The following DMAC2L variants were observed in gnomAD, a reference collection of about 807,000 sequenced individuals.
DMAC2L encodes the protein distal membrane arm assembly component 2 like.
A neutral mutation model predicts 22.5 loss-of-function variants in DMAC2L; 21 were observed. The ratio of observed to expected loss-of-function variants is 0.93; its 90% CI spans 0.66 to 1.34. The LOEUF (loss-of-function observed/expected upper bound fraction) is 1.34, where lower values mean the gene tolerates loss of function less well. Ranked by LOEUF, DMAC2L falls within the 40% of genes most tolerant of loss-of-function variation. The pLI is 0.00. For missense variants in DMAC2L, 239 were observed against 246.5 expected, an observed-to-expected ratio of 0.97 and a Z score of 0.20; for synonymous variants, 86 against 89.5, an observed-to-expected ratio of 0.96 and a Z score of 0.22.
rs749690793 is a variant in DMAC2L, at chr14:50,322,715, C to T, written c.312C>T (p.His104=). 4.9e-5 allele frequency: 79 copies of T among 1,614,208 alleles called. No homozygotes were observed. The East Asian group carries it at 1.6e-3, about 34-fold the overall frequency. Residue 104 remains histidine, a synonymous_variant, in exon 4 of 6, where the codon CAC becomes CAT. Transcript: ENST00000557421. ...DSCIMSIGFD[H]MEGLEHVEKI... is the part of the protein sequence containing the mutation. ...GTATCATGAGCATTGGATTTGATCA[C>T]ATGGGTAACTACCCTATCGTTTTGC... is the stretch of plus-strand genomic sequence containing the variant.
chr14:50,312,117 A>G (rs1164311476), upstream of DMAC2L: 2 of 1,609,630 alleles, frequency 1.2e-6, no homozygotes, highest in Non-Finnish European at 1.7e-6. Flanking sequence ...GCCCGTCCGC[A>G]GGCACCAACC....
intron 1 of DMAC2L, chr14:50,312,977 G>C: frequency 6.2e-7 from 1 of 1,614,004 alleles, no homozygotes; most frequent in Admixed American, 1.7e-5. Flanking sequence ...CCATTTATAA[G>C]TCTGTGTCCT....
At chr14:50,314,548 T>C in intron 1 of DMAC2L, 43 bp from the exon 2 acceptor site, 1 of 456,094 alleles carries the variant, frequency 2.2e-6, no homozygotes, top group Non-Finnish European at 4.4e-6. Flanking sequence ...GCTGTGAACA[T>C]GAGTGTACAG....
chr14:50,316,702 A>G (rs11157735), intron 2 of DMAC2L, among the ~76,000 whole-genome samples: 85,080 of 151,958 alleles, frequency 0.56, 23,863 homozygotes, highest in East Asian at 0.62. Flanking sequence ...TCAGTTGGCT[A>G]TAAGTATTTG....
intron 2 of DMAC2L, chr14:50,319,334 A>G (rs1379022010): frequency 1.1e-5 from 17 of 1,535,876 alleles, no homozygotes; most frequent in African/African-American, 1.4e-5. Flanking sequence ...CACATCTCTC[A>G]CTGTTCCACG....
chr14:50,319,140 C>T, intron 2 of DMAC2L: 1 of 1,517,262 alleles, frequency 6.6e-7, no homozygotes, highest in Admixed American at 2.0e-5. Context: ...CTGGGAAAGC[C>T]CATATTTGTA....
intron 2 of DMAC2L, among the ~76,000 whole-genome samples, chr14:50,316,955 T>C (rs2031855175): frequency 6.6e-6 from 1 of 152,152 alleles, no homozygotes; most frequent in African/African-American, 2.4e-5. Flanking sequence ...ATGGGAATTG[T>C]ATTGATGGGA....
At chr14:50,313,029 T>G (rs772122956) in intron 1 of DMAC2L, 1 of 1,614,118 alleles carries the variant, frequency 6.2e-7, no homozygotes, top group South Asian at 1.1e-5. Context: ...AAATGTGCTG[T>G]GCGGTCTCTG....
intron 2 of DMAC2L, chr14:50,321,262 C>G: frequency 1.4e-6 from 1 of 690,164 alleles, no homozygotes; most frequent in Non-Finnish European, 2.0e-6. Flanking sequence ...ACGTTCTAGC[C>G]GGAAGGAGCC....
chr14:50,312,410 C>T (rs1371543722), intron 1 of DMAC2L, 21 bp downstream of exon 1: 2 of 563,718 alleles, frequency 3.5e-6, no homozygotes, highest in Non-Finnish European at 6.4e-6. Flanking sequence ...AAGCTAGGCC[C>T]CGAGCCGGGC....
upstream of DMAC2L, chr14:50,312,234 C>T: frequency 6.4e-7 from 1 of 1,556,940 alleles, no homozygotes. Flanking sequence ...TTTAGCCCCG[C>T]CCCTCACGCG....
Position 50,326,006 on chromosome 14 carries a change from G to A in DMAC2L, c.*283G>A, listed in dbSNP as rs2032681196. ...GCACTTTGGGAGGCCAAAGCGGGCA[G>A]ATCACCTGAGGTCAGGAGTTCAAGA... On this transcript the variant is annotated 3_prime_UTR_variant, in exon 6 of 6. Coordinates refer to ENST00000557421, the MANE Select transcript of DMAC2L (RefSeq NM_001382507.1). The A allele has an allele frequency of 1.1e-6, 1 of 872,300 alleles. No homozygotes were observed. 54.0% of individuals were successfully genotyped at this position (872,300 alleles called of 1,614,324 possible). A position where few individuals can be genotyped will look rare whatever the true frequency, so the allele number is the denominator to read the frequency against.
chr14:50,313,888 C>G (rs991774186), intron 1 of DMAC2L, among the ~76,000 whole-genome samples: 1 of 152,302 alleles, frequency 6.6e-6, no homozygotes, highest in South Asian at 2.1e-4. Context: ...CACAACTTAC[C>G]TTTGCAGCCC....
chr14:50,325,965 C>T lies in DMAC2L; in HGVS notation c.*242C>T, dbSNP rs2032678630. The stretch of plus-strand genomic sequence containing the variant: ...AAAAGTGCAGCCAGGCGCAGTGGCT[C>T]ATGCCTGTAATCCTAGCACTTTGGG... On this transcript the variant is annotated 3_prime_UTR_variant, in exon 6 of 6. Coordinates refer to ENST00000557421, the MANE Select transcript of DMAC2L (RefSeq NM_001382507.1). 2 of 1,121,456 alleles carry T rather than the reference C, an allele frequency of 1.8e-6. No individual in the cohort carries two copies. The highest frequency in any genetic ancestry group is 4.6e-5 in the South Asian group (2 of 43,832). 69.5% of individuals were successfully genotyped at this position (1,121,456 alleles called of 1,614,324 possible). A position where few individuals can be genotyped will look rare whatever the true frequency, so the allele number is the denominator to read the frequency against.
chr14:50,311,750 G>C (rs2031209299), upstream of DMAC2L, among the ~76,000 whole-genome samples: 2 of 152,226 alleles, frequency 1.3e-5, no homozygotes, highest in Non-Finnish European at 2.9e-5. Context: ...CTAGCCCAGA[G>C]TTCAACAGAA....
intron 1 of DMAC2L, among the ~76,000 whole-genome samples, chr14:50,313,842 TCAC>T (rs1316522395): frequency 6.6e-6 from 1 of 152,206 alleles, no homozygotes; most frequent in Admixed American, 6.5e-5. Flanking sequence ...CCCAGGTCCA[TCAC>T]CACAAGGGTC....
intron 2 of DMAC2L, among the ~76,000 whole-genome samples, chr14:50,321,138 T>C (rs1026315567): frequency 6.6e-6 from 1 of 152,120 alleles, no homozygotes; most frequent in Non-Finnish European, 1.5e-5. Flanking sequence ...GCTGGAAATA[T>C]AGATGGGGAA....
intron 2 of DMAC2L, among the ~76,000 whole-genome samples, chr14:50,319,698 T>A (rs558020420): frequency 2.6e-5 from 4 of 152,244 alleles, no homozygotes; most frequent in Non-Finnish European, 5.9e-5. Flanking sequence ...CTGATTCCAA[T>A]GATTTGTTGG....
chr14:50,320,118 G>C (rs1353628905), intron 2 of DMAC2L, among the ~76,000 whole-genome samples: 2 of 152,010 alleles, frequency 1.3e-5, no homozygotes, highest in Non-Finnish European at 1.5e-5. Flanking sequence ...TTGAGATGGA[G>C]TCTCACTCTG....
Sources: gnomAD v4.1 joint callset for allele counts (sites outside exome capture counted in the v4.1 genomes callset) on GRCh38, gnomAD v4.1.1 for gene constraint, MANE v1.5 for transcripts, NCBI Gene and HGNC (gene_info 2026-07-23, HGNC 2026-07-21) for gene names.